CCDC179: variants seen among roughly 807,000 people sequenced by gnomAD.
CCDC179 encodes the protein coiled-coil domain containing 179.
A neutral mutation model predicts 12.0 loss-of-function variants in CCDC179; 17 were observed. The ratio of observed to expected loss-of-function variants is 1.42; its 90% CI spans 0.97 to 2.13. CCDC179 has a LOEUF of 2.13. Ranked by LOEUF, CCDC179 falls within the 30% of genes most tolerant of loss-of-function variation. The pLI is 0.00. For missense variants in CCDC179, 83 were observed against 78.6 expected, an observed-to-expected ratio of 1.06 and a Z score of -0.21; for synonymous variants, 27 against 26.4, an observed-to-expected ratio of 1.02 and a Z score of -0.07.
At chr11:22,860,130 A>G (rs1858628004) in intron 1 of CCDC179, among the ~76,000 whole-genome samples, 2 of 152,198 alleles carry the variant, frequency 1.3e-5, no homozygotes, top group Non-Finnish European at 2.9e-5. Flanking sequence ...AGGGCAGGCC[A>G]ATGGGGCAGT....
intron 3 of CCDC179, among the ~76,000 whole-genome samples, chr11:22,850,955 TATATATATATATATATATA>T (rs1236398238): frequency 1.3e-3 from 12 of 9,254 alleles, no homozygotes; most frequent in African/African-American, 2.6e-3. Flanking sequence ...TATATATATA[TATATATATATATATATATA>T]TATTTTTTTT....
chr11:22,852,237 G>A (rs1172961045), intron 3 of CCDC179, among the ~76,000 whole-genome samples: 5 of 152,176 alleles, frequency 3.3e-5, no homozygotes, highest in Non-Finnish European at 4.4e-5. Flanking sequence ...ACTCCATCTT[G>A]CCTTTCACCT....
intron 3 of CCDC179, among the ~76,000 whole-genome samples, chr11:22,850,927 T>C (rs1401855640): frequency 4.6e-5 from 6 of 129,276 alleles, no homozygotes; most frequent in Non-Finnish European, 6.4e-5. Flanking sequence ...GGGGAAAATA[T>C]ATGTTGCATA....
intron 3 of CCDC179, among the ~76,000 whole-genome samples, chr11:22,850,298 C>T (rs1342678552): frequency 1.3e-5 from 2 of 152,244 alleles, no homozygotes; most frequent in East Asian, 1.9e-4. Context: ...CATACCCTTA[C>T]TATCTGCCTA....
At position 22,847,369 on chromosome 11, in the gene CCDC179, C is replaced by T. The variant is rs748943394; in HGVS notation, c.*141G>A. 1.4e-5 allele frequency: 6 copies of T among 444,386 alleles called. No individual in the cohort carries two copies. The highest frequency in any genetic ancestry group is 2.3e-5 in the Non-Finnish European group (6 of 258,864). The allele number at this position is 444,386 out of a possible 1,614,324, so 27.5% of individuals were successfully genotyped here. On this transcript the variant is annotated 3_prime_UTR_variant, in exon 4 of 4. Coordinates refer to ENST00000532798, the MANE Select transcript of CCDC179 (RefSeq NM_001195637.2). ...GAGCCTGTAGCTTGGATATTAAATA[C>T]TTGCACTGTGTTTATTTTTCCGAAA...
In CCDC179 at chr11:22,855,717, T is replaced by C. The variant is rs954301817; in HGVS notation, c.195+2205A>G. Among the ~76,000 whole-genome samples, 4 of 151,448 alleles carry C rather than the reference T, an allele frequency of 2.6e-5. No homozygotes were observed. The East Asian group carries it at 7.7e-4, about 29-fold the overall frequency. The stretch of plus-strand genomic sequence containing the variant: ...AAACTAGAGCAGAAATCTGTGAAAT[T>C]GAAAACAGAATGCAATAGAGAAAAT... On this transcript the variant is annotated intron_variant, in intron 3 of 3. Coordinates refer to ENST00000532798, the MANE Select transcript of CCDC179 (RefSeq NM_001195637.2).
At chr11:22,849,343 C>A (rs1196961989) in intron 3 of CCDC179, among the ~76,000 whole-genome samples, 3 of 152,142 alleles carry the variant, frequency 2.0e-5, no homozygotes, top group South Asian at 4.1e-4. Flanking sequence ...TTAGGATTTT[C>A]ATATTTAATA....
At chr11:22,859,639 A>T in intron 1 of CCDC179, 143 bp from the exon 2 acceptor site, 1 of 452,924 alleles carries the variant, frequency 2.2e-6, no homozygotes, top group Non-Finnish European at 3.6e-6. Flanking sequence ...AGGTTAAAAA[A>T]ACAAAAAGAA....
chr11:22,849,329 G>C (rs996129584), intron 3 of CCDC179, among the ~76,000 whole-genome samples: 11 of 152,112 alleles, frequency 7.2e-5, no homozygotes, highest in African/African-American at 2.7e-4. Flanking sequence ...GTACCAGAAT[G>C]AACTTAGGAT....
intron 2 of CCDC179, among the ~76,000 whole-genome samples, chr11:22,858,789 A>T (rs976887695): frequency 6.6e-6 from 1 of 152,114 alleles, no homozygotes; most frequent in East Asian, 1.9e-4. Context: ...CAATAGTACT[A>T]TTCATTTTAG....
chr11:22,850,774 A>G (rs756111144), intron 3 of CCDC179, among the ~76,000 whole-genome samples: 5 of 151,338 alleles, frequency 3.3e-5, no homozygotes, highest in Non-Finnish European at 5.9e-5. Flanking sequence ...AACCAAAATA[A>G]CTGTGTGTAA....
At chr11:22,855,498 C>T (rs562467231) in intron 3 of CCDC179, among the ~76,000 whole-genome samples, 6 of 151,084 alleles carry the variant, frequency 4.0e-5, no homozygotes, top group Non-Finnish European at 8.9e-5. Flanking sequence ...ATATTCTGAA[C>T]AAAATGAAAA....
chr11:22,851,901 T>A (rs1335086586), intron 3 of CCDC179, among the ~76,000 whole-genome samples: 1 of 152,192 alleles, frequency 6.6e-6, no homozygotes, highest in Admixed American at 6.5e-5. Flanking sequence ...TAGATCTCAC[T>A]GTAAGGATCA....
chr11:22,851,714 C>T (rs1858408258), intron 3 of CCDC179, among the ~76,000 whole-genome samples: 1 of 152,212 alleles, frequency 6.6e-6, no homozygotes, highest in Non-Finnish European at 1.5e-5. Flanking sequence ...AGAATCAGAG[C>T]TTGCCAGGAA....
chr11:22,857,342 C>T (rs564547414), intron 3 of CCDC179, among the ~76,000 whole-genome samples: 3 of 151,366 alleles, frequency 2.0e-5, no homozygotes, highest in East Asian at 1.9e-4. Context: ...ATAGCGAGCT[C>T]GGAAATAAAC....
chr11:22,851,932 C>G (rs935614774), intron 3 of CCDC179, among the ~76,000 whole-genome samples: 1 of 151,790 alleles, frequency 6.6e-6, no homozygotes, highest in African/African-American at 2.4e-5. Context: ...TTTTTTTTTG[C>G]TTCTAGTAGT....
rs536181447 is a variant in CCDC179 at position 22,857,033 on chromosome 11, T to C, written c.195+889A>G. Among the ~76,000 whole-genome samples, 28 of 151,698 alleles carry C rather than the reference T, an allele frequency of 1.8e-4. No homozygotes were observed. In the South Asian group the frequency reaches 5.8e-3, roughly 31 times the overall value. On this transcript the variant is annotated intron_variant, in intron 3 of 3. Coordinates refer to ENST00000532798, the MANE Select transcript of CCDC179 (RefSeq NM_001195637.2). Reference sequence around the variant, plus strand: ...AGGTAAAAAAGATGATCTAAATAAATAGGAGAAATTCTATGTTAATTTATA... The same window carrying C: ...AGGTAAAAAAGATGATCTAAATAAACAGGAGAAATTCTATGTTAATTTATA...
At chr11:22,851,654 C>T (rs956024069) in intron 3 of CCDC179, among the ~76,000 whole-genome samples, 26 of 152,312 alleles carry the variant, frequency 1.7e-4, no homozygotes, top group African/African-American at 6.3e-4. Flanking sequence ...AGTGAGGGCA[C>T]AGGGCAAGCT....
rs990402898 is a variant in CCDC179, at chr11:22,853,080, A to T, written c.195+4842T>A. Among the ~76,000 whole-genome samples the T allele has an allele frequency of 2.0e-5, 3 of 152,184 alleles. No homozygotes were observed. In the East Asian group the frequency reaches 5.8e-4, roughly 29 times the overall value. The stretch of plus-strand genomic sequence containing the variant: ...AGGAAGACAAAACTGAATCAGGGGA[A>T]ATTTTACCCTCTGATATCACAGTTA... On this transcript the variant is annotated intron_variant, in intron 3 of 3. Coordinates refer to ENST00000532798, the MANE Select transcript of CCDC179 (RefSeq NM_001195637.2).
Sources: allele counts gnomAD v4.1 joint callset (sites outside exome capture counted in the v4.1 genomes callset), GRCh38; gene constraint gnomAD v4.1.1; transcripts MANE v1.5; gene names NCBI Gene and HGNC (gene_info 2026-07-23, HGNC 2026-07-21).